The following PALS1 variants were observed in gnomAD, a reference collection of about 807,000 sequenced individuals.
The protein encoded by PALS1 is protein associated with LIN7 1, MAGUK p55 family member.
In PALS1, 31 loss-of-function variants were observed where a neutral mutation model predicts 78.9. That is an observed-to-expected ratio of 0.39 (90% CI 0.30 to 0.53). The LOEUF (loss-of-function observed/expected upper bound fraction) is 0.53. PALS1 is among the 20% of genes least tolerant of loss of function. The pLI is 0.67. For synonymous variants in PALS1, 276 were observed against 270.9 expected (o/e 1.02, Z -0.18); for missense variants, 704 against 826.5 (o/e 0.85, Z 1.82).
intron 13 of PALS1, among the ~76,000 whole-genome samples, chr14:67,323,492 A>G (rs1045934751): frequency 1.1e-4 from 17 of 151,712 alleles, no homozygotes; most frequent in African/African-American, 3.6e-4. Context: ...GTGCATGCCT[A>G]TAGTCCTAGC....
chr14:67,280,816 C>CTTCA (rs1236470013), intron 3 of PALS1, among the ~76,000 whole-genome samples: 4 of 120,964 alleles, frequency 3.3e-5, no homozygotes, highest in Non-Finnish European at 6.6e-5. Context: ...TCCTTCCTTC[C>CTTCA]TTCCTTCCTT....
intron 1 of PALS1, among the ~76,000 whole-genome samples, chr14:67,242,298 T>C (rs1019406312): frequency 6.6e-6 from 1 of 152,234 alleles, no homozygotes; most frequent in African/African-American, 2.4e-5. Context: ...ATCTGATGGC[T>C]AGGAAGTTTT....
chr14:67,251,122 C>T (rs1182759902), intron 1 of PALS1, among the ~76,000 whole-genome samples: 3 of 152,172 alleles, frequency 2.0e-5, no homozygotes, highest in Admixed American at 1.3e-4. Context: ...TCCCAAAGCC[C>T]TTGGCTTTTC....
At position 67,292,711 on chromosome 14, in the gene PALS1, G is replaced by T. The variant is rs528583805; in HGVS notation, c.568G>T (p.Ala190Ser). 13 of 1,613,030 alleles carry T rather than the reference G, an allele frequency of 8.1e-6. No homozygotes were observed. The highest frequency in any genetic ancestry group is 1.1e-5 in the Non-Finnish European group (13 of 1,179,260). The change falls in exon 4 of 15, where the codon GCT becomes TCT. Residue 190 changes from alanine (A) to serine (S), a missense_variant. Physicochemically the swap from Ala to Ser is moderately conservative, Grantham distance 99 (BLOSUM62 1). Coordinates refer to ENST00000261681, the MANE Select transcript of PALS1 (RefSeq NM_022474.4). Reference protein sequence around the residue: ...FPLISNAQDLAQEVQTVLKPV... With the variant: ...FPLISNAQDLSQEVQTVLKPV... ...TCTTATCTCCAACGCACAAGATCTTGCTCAAGAGGTATGTATTCTAAACAT... is the reference window on the plus strand; with the variant it reads ...TCTTATCTCCAACGCACAAGATCTTTCTCAAGAGGTATGTATTCTAAACAT...
Position 67,312,688 on chromosome 14 carries a change from A to T in PALS1, c.1203A>T (p.Gln401His). The change falls in exon 9 of 15, where the codon CAA becomes CAT. Residue 401 changes from glutamine (Q) to histidine (H), a missense_variant. Gln to His is a conservative substitution (Grantham distance 24). Coordinates refer to ENST00000261681, the MANE Select transcript of PALS1 (RefSeq NM_022474.4). The stretch of plus-strand genomic sequence containing the variant: ...ACAGGGAAGGGGACGAAGATAATCA[A>T]CCTCTAGCCGGGCTTGTTCCAGGTA... Reference protein sequence around the residue: ...QAYREGDEDNQPLAGLVPGKS... With the variant: ...QAYREGDEDNHPLAGLVPGKS... The T allele has an allele frequency of 1.2e-6, 2 of 1,610,290 alleles. No homozygotes were observed. Among genetic ancestry groups the T allele is most frequent in the Non-Finnish European group, 1.7e-6 (2 of 1,178,008 alleles).
intron 2 of PALS1, among the ~76,000 whole-genome samples, chr14:67,274,355 C>A (rs1047094660): frequency 1.3e-5 from 2 of 152,192 alleles, no homozygotes; most frequent in Non-Finnish European, 2.9e-5. Context: ...AGCCAGTTTT[C>A]CCAGCACCAT....
rs1227991907 is a variant in PALS1, at chr14:67,335,183, G to GTAGA, written c.*2232_*2235dup. Reference sequence around the variant, plus strand: ...ATTCTCCCCTTCCTCATCAGCAATGGTAGATAGAAATGTCCTAAACTTTTC... The same window carrying GTAGA: ...ATTCTCCCCTTCCTCATCAGCAATGGTAGATAGATAGAAATGTCCTAAACTTTTC... On this transcript the variant is annotated 3_prime_UTR_variant, in exon 15 of 15. Coordinates refer to ENST00000261681, the MANE Select transcript of PALS1 (RefSeq NM_022474.4). The GTAGA allele has an allele frequency of 3.9e-5, 6 of 152,336 alleles. No individual in the cohort carries two copies. The highest frequency in any genetic ancestry group is 1.3e-4 in the Admixed American group (2 of 15,298). The allele number at this position is 152,336 out of a possible 1,614,324, so 9.4% of individuals were successfully genotyped here.
At chr14:67,275,048 A>G (rs1341755700) in intron 2 of PALS1, among the ~76,000 whole-genome samples, 2 of 152,208 alleles carry the variant, frequency 1.3e-5, no homozygotes, top group Non-Finnish European at 2.9e-5. Flanking sequence ...CTAAATAGAC[A>G]ATCATGTCAT....
chr14:67,267,091 G>A (rs1254111534), intron 1 of PALS1, among the ~76,000 whole-genome samples: 1 of 152,022 alleles, frequency 6.6e-6, no homozygotes, highest in African/African-American at 2.4e-5. Flanking sequence ...CTGTCTCACA[G>A]AGCAAGACCC....
At position 67,302,402 on chromosome 14, in the gene PALS1, AT is replaced by A. The variant is rs756687775; in HGVS notation, c.802-3del. 3.3e-6 allele frequency: 5 copies of A among 1,517,566 alleles called. No individual in the cohort carries two copies. The highest frequency in any genetic ancestry group is 1.3e-5 in the South Asian group (1 of 75,886). 94.0% of individuals were successfully genotyped at this position (1,517,566 alleles called of 1,614,324 possible). ...TTATTTTTAAATTATACATATATAT[AT>A]TTTTAGGGTGCTACAGTTCGTAATG... On this transcript the variant is annotated splice_polypyrimidine_tract_variant and splice_region_variant and intron_variant, in intron 6 of 14. Coordinates refer to ENST00000261681, the MANE Select transcript of PALS1 (RefSeq NM_022474.4).
chr14:67,330,647 G>A (rs1336545200), intron 14 of PALS1, among the ~76,000 whole-genome samples: 1 of 151,930 alleles, frequency 6.6e-6, no homozygotes, highest in African/African-American at 2.4e-5. Flanking sequence ...TAGTAGAGAT[G>A]GGGTTTCTCC....
intron 14 of PALS1, among the ~76,000 whole-genome samples, chr14:67,325,983 T>TC (rs1566582854): frequency 2.1e-5 from 3 of 144,848 alleles, no homozygotes; most frequent in South Asian, 4.4e-4. Flanking sequence ...TCTTTTCTTT[T>TC]TTTTTTTTTT....
chr14:67,259,880 G>GAAA (rs33951454), intron 1 of PALS1, among the ~76,000 whole-genome samples: 1 of 111,944 alleles, frequency 8.9e-6, no homozygotes, highest in African/African-American at 2.9e-5. Context: ...CTCCATCTAA[G>GAAA]AAAAAAAAAA....
chr14:67,255,167 G>A (rs1426040426), intron 1 of PALS1, among the ~76,000 whole-genome samples: 2 of 151,876 alleles, frequency 1.3e-5, no homozygotes, highest in Non-Finnish European at 2.9e-5. Flanking sequence ...AAAAAAGTTC[G>A]AATCTCTTAT....
At chr14:67,281,348 G>A (rs1441334881) in intron 3 of PALS1, among the ~76,000 whole-genome samples, 1 of 152,020 alleles carries the variant, frequency 6.6e-6, no homozygotes, top group Non-Finnish European at 1.5e-5. Flanking sequence ...CTAAATTCCT[G>A]CCTTCAGACA....
At chr14:67,320,527 C>G in intron 12 of PALS1, 130 bp downstream of exon 12, 1 of 844,560 alleles carries the variant, frequency 1.2e-6, no homozygotes, top group Non-Finnish European at 1.7e-6. Flanking sequence ...GAACTTTAAC[C>G]AAAGATTTTG....
intron 8 of PALS1, among the ~76,000 whole-genome samples, chr14:67,310,963 G>A (rs2085079875): frequency 6.6e-6 from 1 of 152,074 alleles, no homozygotes. Flanking sequence ...CCCCTTTTGG[G>A]GTAGACTGGT....
At chr14:67,328,934 T>C (rs566708884) in intron 14 of PALS1, among the ~76,000 whole-genome samples, 4 of 152,278 alleles carry the variant, frequency 2.6e-5, no homozygotes, top group Admixed American at 2.0e-4. Context: ...TTTATTCTTT[T>C]GGCTTAGGGT....
At chr14:67,325,847 C>T (rs998876560) in intron 14 of PALS1, among the ~76,000 whole-genome samples, 9 of 150,398 alleles carry the variant, frequency 6.0e-5, no homozygotes, top group Non-Finnish European at 1.2e-4. Flanking sequence ...CTTACTCTGT[C>T]GCCCAGGCTG....
Sources: allele counts gnomAD v4.1 joint callset (sites outside exome capture counted in the v4.1 genomes callset), GRCh38; gene constraint gnomAD v4.1.1; transcripts MANE v1.5; gene names NCBI Gene and HGNC (gene_info 2026-07-23, HGNC 2026-07-21).